VWA3B: variants seen among roughly 807,000 people sequenced by gnomAD.
VWA3B encodes von Willebrand factor A domain containing 3B, also known as von Willebrand factor A domain-containing protein 3B.
VWA3B carries 138 observed loss-of-function variants against 158.3 expected under a neutral mutation model. That is an observed-to-expected ratio of 0.87 (90% confidence interval 0.76 to 1.00). VWA3B has a LOEUF of 1.00. Among genes scored for constraint, VWA3B ranks in the 50% least tolerant of loss-of-function variants. The pLI, the probability that VWA3B is intolerant of heterozygous loss-of-function variation, is 0.00. For missense variants in VWA3B, 1,555 were observed against 1,565.1 expected, an observed-to-expected ratio of 0.99 and a Z score of 0.11; for synonymous variants, 596 against 587.3, an observed-to-expected ratio of 1.01 and a Z score of -0.21.
chr2:98,304,793 AC>A (rs367787723), intron 26 of VWA3B, among the ~76,000 whole-genome samples: 39 of 152,076 alleles, frequency 2.6e-4, no homozygotes, highest in African/African-American at 9.2e-4. Context: ...CAGCAAGTAC[AC>A]AGGTTGGCCT....
chr2:98,112,642 A>G (rs545489586), intron 2 of VWA3B, among the ~76,000 whole-genome samples: 1 of 151,640 alleles, frequency 6.6e-6, no homozygotes, highest in African/African-American at 2.4e-5. Context: ...TTGTACATAC[A>G]TTGCACTGGA....
At chr2:98,177,542 T>A (rs780150464) in intron 8 of VWA3B, among the ~76,000 whole-genome samples, 3 of 151,988 alleles carry the variant, frequency 2.0e-5, no homozygotes, top group African/African-American at 4.8e-5. Context: ...TAATTAGCAC[T>A]GGAAGTTAAA....
chr2:98,092,096 TA>T (rs1278817698), intron 1 of VWA3B, among the ~76,000 whole-genome samples: 1 of 152,140 alleles, frequency 6.6e-6, no homozygotes, highest in Non-Finnish European at 1.5e-5. Context: ...CCCCAGACAA[TA>T]AAACATTCAG....
rs188807392 is a variant in VWA3B at position 98,262,725 on chromosome 2, C to T, written c.2843+6551C>T. On this transcript the variant is annotated intron_variant, in intron 21 of 27. Coordinates refer to ENST00000477737, the MANE Select transcript of VWA3B (RefSeq NM_144992.5). ...GTTTTGATATCTGGAAGTATGAGGC[C>T]TCCAACTCTGTTCTTCTTTCTCAAG... Among the ~76,000 whole-genome samples, 321 of 151,864 alleles carry T rather than the reference C, an allele frequency of 2.1e-3. 2 individuals carry two copies. The highest frequency in any genetic ancestry group is 7.3e-3 in the African/African-American group (303 of 41,444).
At chr2:98,093,440 C>T (rs1682496337) in intron 2 of VWA3B, 152 bp downstream of exon 2, 1 of 657,226 alleles carries the variant, frequency 1.5e-6, no homozygotes, top group Admixed American at 2.8e-5. Context: ...ACGTGTGCCC[C>T]CAATATATGT....
At chr2:98,188,895 AC>A (rs1681350978) in intron 10 of VWA3B, among the ~76,000 whole-genome samples, 2 of 152,308 alleles carry the variant, frequency 1.3e-5, no homozygotes, top group Middle Eastern at 3.4e-3. Context: ...TGGCTATCAC[AC>A]TGGTCACACC....
At chr2:98,108,857 TG>T (rs1156350448) in intron 2 of VWA3B, among the ~76,000 whole-genome samples, 3 of 152,116 alleles carry the variant, frequency 2.0e-5, no homozygotes, top group African/African-American at 7.2e-5. Flanking sequence ...ATTATTGATA[TG>T]TTAGAGCTTG....
At chr2:98,111,777 A>G (rs1263432869) in intron 2 of VWA3B, among the ~76,000 whole-genome samples, 1 of 152,064 alleles carries the variant, frequency 6.6e-6, no homozygotes, top group African/African-American at 2.4e-5. Context: ...TAACTTCCTT[A>G]TAGATTCTGG....
Position 98,230,096 on chromosome 2 carries a change from G to A in VWA3B, c.2197G>A (p.Ala733Thr). 4 of 1,609,398 alleles carry A rather than the reference G, an allele frequency of 2.5e-6. No homozygotes were observed. Among genetic ancestry groups the A allele is most frequent in the Non-Finnish European group, 2.5e-6 (3 of 1,178,896 alleles). Residue 733 changes from alanine to threonine, a missense_variant, in exon 16 of 28, where the codon GCA becomes ACA. Ala to Thr is a moderately conservative substitution (Grantham distance 58, BLOSUM62 0). Coordinates refer to ENST00000477737, the MANE Select transcript of VWA3B (RefSeq NM_144992.5). ...CSMISTPEKC[A>T]KPQSDVDSTQ... ...TATGATTTCAACCCCAGAAAAGTGT[G>A]CAAAGCCTCAATCTGATGTCGATTC...
chr2:98,162,883 T>C lies in VWA3B; in HGVS notation c.1021T>C (p.Trp341Arg). Residue 341 changes from tryptophan to arginine, a missense_variant, in exon 8 of 28, where the codon TGG becomes CGG. Physicochemically the swap from Trp to Arg is moderately radical, Grantham distance 101. Coordinates refer to ENST00000477737, the MANE Select transcript of VWA3B (RefSeq NM_144992.5). ...AGTCAGAGAGGACGTGTTTCTCGTTTGGCAAGAGATGGAGGAAGCCTGCAG... is the reference window on the plus strand; with the variant it reads ...AGTCAGAGAGGACGTGTTTCTCGTTCGGCAAGAGATGGAGGAAGCCTGCAG... ...AGVREDVFLV[W>R]QEMEEACSTL... The C allele has an allele frequency of 6.8e-6, 11 of 1,613,926 alleles. No individual in the cohort carries two copies. The highest frequency in any genetic ancestry group is 9.3e-6 in the Non-Finnish European group (11 of 1,180,022).
At chr2:98,141,974 C>T (rs947995642) in intron 7 of VWA3B, among the ~76,000 whole-genome samples, 1 of 152,070 alleles carries the variant, frequency 6.6e-6, no homozygotes, top group African/African-American at 2.4e-5. Flanking sequence ...CAAAACAAGG[C>T]CGATTACTTA....
chr2:98,174,237 T>G (rs1464462660), intron 8 of VWA3B, among the ~76,000 whole-genome samples: 2 of 152,212 alleles, frequency 1.3e-5, no homozygotes, highest in African/African-American at 2.4e-5. Flanking sequence ...AATAGTGAGC[T>G]GGTGGCATTT....
At chr2:98,116,209 G>A (rs1400596610) in intron 3 of VWA3B, among the ~76,000 whole-genome samples, 5 of 152,158 alleles carry the variant, frequency 3.3e-5, no homozygotes, top group Non-Finnish European at 7.4e-5. Flanking sequence ...GCAGACCCAG[G>A]CCAACCACAT....
At chr2:98,300,665 C>T (rs900122225) in intron 25 of VWA3B, among the ~76,000 whole-genome samples, 3 of 152,106 alleles carry the variant, frequency 2.0e-5, no homozygotes, top group Non-Finnish European at 2.9e-5. Context: ...TGGTGTCTTT[C>T]GGTGTGAGCC....
chr2:98,272,679 C>T (rs1243963534), intron 22 of VWA3B, among the ~76,000 whole-genome samples: 1 of 152,058 alleles, frequency 6.6e-6, no homozygotes, highest in Non-Finnish European at 1.5e-5. Context: ...ACTTCAGAGA[C>T]CCCAAGGATG....
rs954478697 is a variant in VWA3B, at chr2:98,276,604, A to G, written c.3045+5721A>G. 2.0e-5 allele frequency among the ~76,000 whole-genome samples: 3 copies of G among 151,998 alleles called. No individual in the cohort carries two copies. The South Asian group carries it at 6.2e-4, about 32-fold the overall frequency. On this transcript the variant is annotated intron_variant, in intron 22 of 27. Transcript: ENST00000477737. ...CATGTGTGTCCAGAGGGCTGTGGCCACTGCGTTTGGAGTGGGCTGCCCACG... is the reference window on the plus strand; with the variant it reads ...CATGTGTGTCCAGAGGGCTGTGGCCGCTGCGTTTGGAGTGGGCTGCCCACG...
At chr2:98,300,312 T>A in intron 25 of VWA3B, 96 bp downstream of exon 25, 2 of 1,512,164 alleles carry the variant, frequency 1.3e-6, no homozygotes, top group Non-Finnish European at 1.8e-6. Context: ...TTTCCCTGGC[T>A]GCATCTGCTG....
chr2:98,262,200 G>C (rs890572777), intron 21 of VWA3B, among the ~76,000 whole-genome samples: 1 of 151,634 alleles, frequency 6.6e-6, no homozygotes, highest in Non-Finnish European at 1.5e-5. Flanking sequence ...TTTATGATTT[G>C]CATACACTTT....
chr2:98,243,756 CA>C (rs1371454789), intron 19 of VWA3B, among the ~76,000 whole-genome samples: 10 of 152,192 alleles, frequency 6.6e-5, no homozygotes, highest in Non-Finnish European at 1.5e-5. Context: ...GTTTGAAAGG[CA>C]GACATTTAAG....
Sources: allele counts gnomAD v4.1 joint callset (sites outside exome capture counted in the v4.1 genomes callset), GRCh38; gene constraint gnomAD v4.1.1; transcripts MANE v1.5; gene names NCBI Gene and HGNC (gene_info 2026-07-23, HGNC 2026-07-21).